The following VPS13B variants were observed in gnomAD, a reference collection of about 807,000 sequenced individuals.
VPS13B encodes the protein vacuolar protein sorting 13 homolog B.
A neutral mutation model predicts 426.4 loss-of-function variants in VPS13B; 285 were observed. That is an observed-to-expected ratio of 0.67 (90% CI 0.61 to 0.74). The LOEUF is 0.74. Ranked by LOEUF, VPS13B falls within the 30% of genes least tolerant of loss-of-function variation. VPS13B has a pLI of 0.00. For missense variants in VPS13B, 4,537 were observed against 4,782.6 expected, an observed-to-expected ratio of 0.95 and a Z score of 1.51; for synonymous variants, 1,676 against 1,676.4, an observed-to-expected ratio of 1.00 and a Z score of 0.01.
At chr8:99,515,717 C>T (rs1407431307) in intron 29 of VPS13B, among the ~76,000 whole-genome samples, 1 of 151,790 alleles carries the variant, frequency 6.6e-6, no homozygotes, top group East Asian at 1.9e-4. Flanking sequence ...AATAAATTAC[C>T]AGCAAAAGGA....
intron 31 of VPS13B, among the ~76,000 whole-genome samples, chr8:99,574,950 G>T (rs1448364661): frequency 2.6e-5 from 4 of 152,076 alleles, no homozygotes; most frequent in Non-Finnish European, 4.4e-5. Flanking sequence ...AATTGCTTGA[G>T]CCTAGGAGTT....
intron 54 of VPS13B, among the ~76,000 whole-genome samples, chr8:99,838,230 G>A (rs1815497970): frequency 6.6e-6 from 1 of 152,166 alleles, no homozygotes; most frequent in Non-Finnish European, 1.5e-5. Flanking sequence ...GTGGCACCTG[G>A]TGCTCATACC....
chr8:99,501,636 G>A lies in VPS13B; in HGVS notation c.3871-51G>A, dbSNP rs1180429394. The A allele has an allele frequency of 3.2e-6, 5 of 1,551,202 alleles. No homozygotes were observed. The African/African-American group carries it at 4.1e-5, about 13-fold the overall frequency. ...TTTTAATTTATAATTTGTATTTTCT[G>A]TTATTTTTGTTTATGTTACAAAGTA... On this transcript the variant is annotated intron_variant, in intron 25 of 61. Coordinates refer to ENST00000357162, the MANE Select transcript of VPS13B (RefSeq NM_152564.5).
At chr8:99,698,491 T>G (rs772725392) in intron 35 of VPS13B, among the ~76,000 whole-genome samples, 2 of 152,232 alleles carry the variant, frequency 1.3e-5, no homozygotes, top group Non-Finnish European at 2.9e-5. Context: ...TTCTAGATAT[T>G]GGTGTCAATA....
intron 30 of VPS13B, among the ~76,000 whole-genome samples, chr8:99,540,028 T>C (rs1419480975): frequency 8.3e-4 from 1 of 1,208 alleles, no homozygotes; most frequent in Non-Finnish European, 2.4e-3. Flanking sequence ...TATATATATA[T>C]ATATATATAT....
intron 43 of VPS13B, among the ~76,000 whole-genome samples, chr8:99,802,357 C>T (rs1813169279): frequency 6.6e-6 from 1 of 152,076 alleles, no homozygotes; most frequent in Non-Finnish European, 1.5e-5. Flanking sequence ...GAAAATTTGG[C>T]TTTCATTAGG....
Position 99,779,008 on chromosome 8 carries a change from A to G in VPS13B, c.7756A>G (p.Thr2586Ala), listed in dbSNP as rs1197220639. Reference sequence around the variant, plus strand: ...ACAGCATGTAGTCCATTCACTAAACACTGCAATACAAGCTTGGCAACAGGT... The same window carrying G: ...ACAGCATGTAGTCCATTCACTAAACGCTGCAATACAAGCTTGGCAACAGGT... ...LGQHVVHSLN[T>A]AIQAWQQNKC... Residue 2586 changes from threonine to alanine, a missense_variant, in exon 42 of 62, where the codon ACT (threonine) becomes GCT (alanine). Thr to Ala is a moderately conservative substitution (Grantham distance 58, BLOSUM62 0). Around this residue, in one of 2 missense-constraint regions of VPS13B, gnomAD observed 4,311 missense variants for 4,474.3 expected, o/e 0.96. Coordinates refer to ENST00000357162, the MANE Select transcript of VPS13B (RefSeq NM_152564.5). The G allele has an allele frequency of 2.5e-6, 4 of 1,613,642 alleles. No homozygotes were observed. The highest frequency in any genetic ancestry group is 2.5e-6 in the Non-Finnish European group (3 of 1,179,808).
intron 3 of VPS13B, among the ~76,000 whole-genome samples, chr8:99,051,594 G>A (rs1843555771): frequency 6.6e-6 from 1 of 152,158 alleles, no homozygotes; most frequent in Non-Finnish European, 1.5e-5. Context: ...GATGGGAATG[G>A]CATTGAATCT....
At chr8:99,235,437 A>G (rs1263083262) in intron 17 of VPS13B, among the ~76,000 whole-genome samples, 1 of 152,186 alleles carries the variant, frequency 6.6e-6, no homozygotes, top group South Asian at 2.1e-4. Context: ...TATTTTAACA[A>G]TATGGAAAGT....
chr8:99,281,198 T>C (rs964253113), intron 19 of VPS13B, among the ~76,000 whole-genome samples: 1 of 152,226 alleles, frequency 6.6e-6, no homozygotes, highest in Non-Finnish European at 1.5e-5. Flanking sequence ...CTAATGCTGC[T>C]GCTGATCTGA....
chr8:99,304,420 C>G (rs1360142738), intron 19 of VPS13B, among the ~76,000 whole-genome samples: 1 of 148,160 alleles, frequency 6.7e-6, no homozygotes, highest in Non-Finnish European at 1.5e-5. Flanking sequence ...TTTTTTTTTT[C>G]ATGGAATAAG....
chr8:99,722,770 G>T (rs1273545571), intron 39 of VPS13B, among the ~76,000 whole-genome samples: 3 of 152,142 alleles, frequency 2.0e-5, no homozygotes, highest in Non-Finnish European at 4.4e-5. Flanking sequence ...GCCTCCCAAA[G>T]TGCTGGGATT....
Position 99,817,642 on chromosome 8 carries a change from C to T in VPS13B, c.8200C>T (p.Arg2734Trp), listed in dbSNP as rs749023338. The change falls in exon 45 of 62, where the codon CGG becomes TGG. Residue 2734 changes from arginine (R) to tryptophan (W), a missense_variant. Arg to Trp is a moderately radical substitution (Grantham distance 101). Transcript: ENST00000357162. ...TGGTCAAGATGGACAAGCTGTAGTT[C>T]GGGAACATTTTGACTGCCTCACAGC... is the stretch of plus-strand genomic sequence containing the variant. Reference protein sequence around the residue: ...YIGQDGQAVVREHFDCLTAKQ... With the variant: ...YIGQDGQAVVWEHFDCLTAKQ... 9 of 1,613,852 alleles carry T rather than the reference C, an allele frequency of 5.6e-6. No individual in the cohort carries two copies. Among genetic ancestry groups the T allele is most frequent in the Admixed American group, 1.7e-5 (1 of 59,976 alleles).
chr8:99,739,885 A>C (rs1809604256), intron 39 of VPS13B, among the ~76,000 whole-genome samples: 1 of 152,238 alleles, frequency 6.6e-6, no homozygotes, highest in Non-Finnish European at 1.5e-5. Context: ...AACAGAGCAG[A>C]AAAACTGGAA....
At chr8:99,672,972 C>T (rs1830779855) in intron 35 of VPS13B, among the ~76,000 whole-genome samples, 1 of 151,984 alleles carries the variant, frequency 6.6e-6, no homozygotes, top group African/African-American at 2.4e-5. Context: ...TTGATCATAC[C>T]TGTGATGACA....
At chr8:99,547,681 A>G (rs1381785645) in intron 30 of VPS13B, among the ~76,000 whole-genome samples, 1 of 152,120 alleles carries the variant, frequency 6.6e-6, no homozygotes, top group Admixed American at 6.6e-5. Flanking sequence ...TTATGATTAC[A>G]TTATCGACCA....
At chr8:99,564,775 G>T (rs1825103904) in intron 31 of VPS13B, among the ~76,000 whole-genome samples, 1 of 152,206 alleles carries the variant, frequency 6.6e-6, no homozygotes, top group Non-Finnish European at 1.5e-5. Context: ...AATTTGAAGT[G>T]GTTCTTTGGC....
At chr8:99,798,619 G>A (rs1475666672) in intron 43 of VPS13B, among the ~76,000 whole-genome samples, 1 of 152,136 alleles carries the variant, frequency 6.6e-6, no homozygotes, top group Non-Finnish European at 1.5e-5. Flanking sequence ...AAAGAGAATG[G>A]GGATATTTCA....
At chr8:99,144,758 G>A (rs1194368516) in intron 13 of VPS13B, among the ~76,000 whole-genome samples, 1 of 152,120 alleles carries the variant, frequency 6.6e-6, no homozygotes, top group Non-Finnish European at 1.5e-5. Context: ...TAGCAAACAA[G>A]ACATACAAAG....
Sources: allele counts gnomAD v4.1 joint callset (sites outside exome capture counted in the v4.1 genomes callset), GRCh38; gene constraint gnomAD v4.1.1; regional missense constraint gnomAD v4.1.1; transcripts MANE v1.5; gene names NCBI Gene and HGNC (gene_info 2026-07-23, HGNC 2026-07-21).